CEP350: variants seen among roughly 807,000 people sequenced by gnomAD.
CEP350 encodes centrosome-associated protein 350.
A neutral mutation model predicts 331.8 loss-of-function variants in CEP350; 126 were observed. The observed-to-expected ratio is 0.38, with a 90% CI of 0.33 to 0.44. CEP350 has a LOEUF of 0.44. CEP350 is among the 20% of genes least tolerant of loss of function. The pLI, the probability that CEP350 is intolerant of heterozygous loss-of-function variation, is 1.00. For synonymous variants in CEP350, 1,200 were observed against 1,259.5 expected (o/e 0.95, Z 1.00); for missense variants, 3,406 against 3,634.6 (o/e 0.94, Z 1.62).
Position 180,105,621 on chromosome 1 carries a change from G to C in CEP350, c.9190-5376G>C, listed in dbSNP as rs183211298. Among the ~76,000 whole-genome samples, 232 of 152,122 alleles carry C rather than the reference G, an allele frequency of 1.5e-3. 2 individuals carry two copies. Among genetic ancestry groups the C allele is most frequent in the African/African-American group, 4.9e-3 (205 of 41,514 alleles). ...TGAAAGGGTATCAAAGGCTTTTTCT[G>C]CATTTATTTAAATGATCCTCTGATT... On this transcript the variant is annotated intron_variant, in intron 37 of 37. Coordinates refer to ENST00000367607, the MANE Select transcript of CEP350 (RefSeq NM_014810.5).
chr1:179,960,287 A>G (rs1267417837), intron 1 of CEP350, among the ~76,000 whole-genome samples: 2 of 151,300 alleles, frequency 1.3e-5, no homozygotes, highest in African/African-American at 4.9e-5. Context: ...AAACTGGAGC[A>G]TACGGAGAAA....
intron 37 of CEP350, 85 bp downstream of exon 37, chr1:180,099,070 A>G: frequency 4.6e-6 from 6 of 1,317,620 alleles, no homozygotes; most frequent in Non-Finnish European, 5.2e-6. Context: ...GAAAAGGGAT[A>G]GACTTATTCT....
At chr1:179,985,607 G>T (rs925777642) in intron 1 of CEP350, among the ~76,000 whole-genome samples, 1 of 152,154 alleles carries the variant, frequency 6.6e-6, no homozygotes, top group Non-Finnish European at 1.5e-5. Flanking sequence ...GGCTGGGGAG[G>T]CCTCAGGAAA....
chr1:180,057,895 T>C (rs1217080495), intron 25 of CEP350, among the ~76,000 whole-genome samples: 2 of 152,158 alleles, frequency 1.3e-5, no homozygotes, highest in East Asian at 1.9e-4. Context: ...TTGAGACTTT[T>C]CTGGGTTAAC....
intron 15 of CEP350, 106 bp downstream of exon 15, chr1:180,031,600 A>G: frequency 4.4e-6 from 2 of 458,338 alleles, no homozygotes; most frequent in Non-Finnish European, 3.6e-6. Context: ...TTAACTGTGC[A>G]TGTCTGAGCT....
At position 179,996,773 on chromosome 1, in the gene CEP350, T is replaced by A. The variant is rs200687438; in HGVS notation, c.616T>A (p.Leu206Met). The A allele has an allele frequency of 9.2e-5, 149 of 1,613,600 alleles. No individual in the cohort carries two copies. In the East Asian group the frequency reaches 2.3e-3, roughly 24 times the overall value. ...AAATGATCGACCAGCAATTGATGCA[T>A]TGCAAAATTCTGAATGTTTGATTAG... The part of the protein sequence containing the change: ...FLNDRPAIDA[L>M]QNSECLIRMG... Residue 206 changes from leucine to methionine, a missense_variant, in exon 6 of 38, where the codon TTG (leucine) becomes ATG (methionine). Around this residue, in one of 5 missense-constraint regions of CEP350, gnomAD observed 1,857 missense variants for 1,909.2 expected, o/e 0.97. Transcript: ENST00000367607.
At chr1:179,992,621 CATTA>C (rs1294453700) in intron 5 of CEP350, among the ~76,000 whole-genome samples, 2 of 150,948 alleles carry the variant, frequency 1.3e-5, no homozygotes, top group Admixed American at 6.6e-5. Context: ...TTTTGGGTAG[CATTA>C]ATTAGTCACA....
chr1:180,086,225 T>C (rs947785799), intron 31 of CEP350, among the ~76,000 whole-genome samples: 1 of 151,774 alleles, frequency 6.6e-6, no homozygotes, highest in African/African-American at 2.4e-5. Context: ...TACTGAGGAG[T>C]TCATGCTGGA....
chr1:180,058,038 C>G lies in CEP350; in HGVS notation c.5262+3536C>G, dbSNP rs375166578. On this transcript the variant is annotated intron_variant, in intron 25 of 37. Coordinates refer to ENST00000367607, the MANE Select transcript of CEP350 (RefSeq NM_014810.5). ...TGGTTAGAGTGTTGACTGGTGTAAC[C>G]ACTTTGAGTTGAGAGCAATTGCCAC... Among the ~76,000 whole-genome samples, 3 of 152,086 alleles carry G rather than the reference C, an allele frequency of 2.0e-5. No homozygotes were observed. The South Asian group carries it at 6.2e-4, about 32-fold the overall frequency.
At chr1:180,056,582 A>G (rs944326387) in intron 25 of CEP350, among the ~76,000 whole-genome samples, 22 of 146,364 alleles carry the variant, frequency 1.5e-4, no homozygotes, top group Non-Finnish European at 3.0e-4. Flanking sequence ...CAATCCTCTC[A>G]CCTAAGCCTC....
At position 179,997,089 on chromosome 1, in the gene CEP350, A is replaced by G. The variant is rs374705508; in HGVS notation, c.932A>G (p.His311Arg). The G allele has an allele frequency of 5.6e-6, 9 of 1,613,952 alleles. No homozygotes were observed. The African/African-American group carries it at 8.0e-5, about 14-fold the overall frequency. The change falls in exon 6 of 38, where the codon CAT becomes CGT. Residue 311 changes from histidine (H) to arginine (R), a missense_variant. Around this residue, in one of 5 missense-constraint regions of CEP350, gnomAD observed 1,857 missense variants for 1,909.2 expected, o/e 0.97. Transcript: ENST00000367607. ...GGCCAGAAGCTGGGTCATATTGACC[A>G]TCCAGTAATGGTTGTTAATGTTGAT... ...GRGQKLGHID[H>R]PVMVVNVDNS...
chr1:179,969,509 T>G lies in CEP350; in HGVS notation c.-14+14367T>G, dbSNP rs1207675962. On this transcript the variant is annotated intron_variant, in intron 1 of 37. Transcript: ENST00000367607. ...GTAGGAATAAGCACTGAATTGGCCT[T>G]AAGCTGTTCTTGCATGGACTCTTAA... is the stretch of plus-strand genomic sequence containing the variant. 6.6e-6 allele frequency: 3 copies of G among 456,376 alleles called. No individual in the cohort carries two copies. The East Asian group carries it at 1.9e-4, about 29-fold the overall frequency. The allele number at this position is 456,376 out of a possible 1,614,324, so 28.3% of individuals were successfully genotyped here.
At chr1:180,107,154 A>G (rs143766949) in intron 37 of CEP350, among the ~76,000 whole-genome samples, 32 of 152,346 alleles carry the variant, frequency 2.1e-4, no homozygotes, top group African/African-American at 7.0e-4. Flanking sequence ...ATATTTATAT[A>G]GCACCTTCTA....
intron 15 of CEP350, among the ~76,000 whole-genome samples, chr1:180,033,480 T>C (rs1457135181): frequency 1.3e-5 from 2 of 152,188 alleles, no homozygotes; most frequent in African/African-American, 4.8e-5. Flanking sequence ...GAGATGTATT[T>C]TAAGACTCAT....
At chr1:179,981,363 C>T (rs1041749072) in intron 1 of CEP350, among the ~76,000 whole-genome samples, 13 of 152,192 alleles carry the variant, frequency 8.5e-5, no homozygotes, top group Non-Finnish European at 1.5e-4. Context: ...TTCATTATTC[C>T]GCAAGAAGTG....
chr1:180,093,196 C>A lies in CEP350; in HGVS notation c.7091C>A (p.Ser2364Ter), dbSNP rs1177713983. The stretch of plus-strand genomic sequence containing the variant: ...ACAAAGGAAAAAGATTTGTCTTGGT[C>A]AGAACATCTTTTTGCTCCTAAAGAG... ...KNTKEKDLSW[S>*]EHLFAPKEIP... Residue 2364 changes from serine (S) to a stop codon, truncating the protein, a stop_gained, in exon 34 of 38, where the codon TCA becomes TAA. Transcript: ENST00000367607. LOFTEE classifies it high-confidence loss of function. 1 of 1,599,918 alleles carries A rather than the reference C, an allele frequency of 6.3e-7. No homozygotes were observed. The highest frequency in any genetic ancestry group is 8.5e-7 in the Non-Finnish European group (1 of 1,172,360).
At chr1:180,015,247 T>C (rs905817623) in intron 10 of CEP350, among the ~76,000 whole-genome samples, 1 of 151,194 alleles carries the variant, frequency 6.6e-6, no homozygotes, top group Non-Finnish European at 1.5e-5. Context: ...TATTTATTTA[T>C]TTATTTGAGA....
At chr1:180,109,697 G>A (rs958666856) in intron 37 of CEP350, among the ~76,000 whole-genome samples, 25 of 152,038 alleles carry the variant, frequency 1.6e-4, no homozygotes, top group Non-Finnish European at 2.8e-4. Flanking sequence ...GTGAAGTGGC[G>A]CAATCTTGGC....
intron 1 of CEP350, among the ~76,000 whole-genome samples, chr1:179,965,851 C>G (rs1650975943): frequency 6.6e-6 from 1 of 151,914 alleles, no homozygotes; most frequent in African/African-American, 2.4e-5. Context: ...GTCTTGAACT[C>G]CTGACCTCAG....
Sources: gnomAD v4.1 joint callset for allele counts (sites outside exome capture counted in the v4.1 genomes callset) on GRCh38, gnomAD v4.1.1 for gene constraint, gnomAD v4.1.1 regional missense constraint, MANE v1.5 for transcripts, NCBI Gene and HGNC (gene_info 2026-07-23, HGNC 2026-07-21) for gene names.